ZBTB20: variants seen among roughly 807,000 people sequenced by gnomAD.
The protein encoded by ZBTB20 is zinc finger and BTB domain containing 20.
ZBTB20 carries 9 observed loss-of-function variants against 56.9 expected under a neutral mutation model. The observed-to-expected ratio is 0.16, with a 90% CI of 0.10 to 0.28. The LOEUF is 0.28. Ranked by LOEUF, ZBTB20 falls within the 10% of genes least tolerant of loss-of-function variation. ZBTB20 has a pLI of 1.00. For missense variants in ZBTB20, 655 were observed against 1,003.0 expected, an observed-to-expected ratio of 0.65 and a Z score of 4.69; for synonymous variants, 417 against 420.7, an observed-to-expected ratio of 0.99 and a Z score of 0.11.
intron 6 of ZBTB20, among the ~76,000 whole-genome samples, chr3:114,631,559 A>C (rs2058950719): frequency 6.6e-6 from 1 of 150,884 alleles, no homozygotes; most frequent in Non-Finnish European, 1.5e-5. Context: ...CACCCAGCTA[A>C]TTTTTGTATT....
At chr3:114,658,601 C>T (rs913195372) in intron 6 of ZBTB20, 1 of 152,102 alleles carries the variant, frequency 6.6e-6, no homozygotes, top group East Asian at 1.9e-4. Flanking sequence ...AACTTTCTTC[C>T]TCTATCATGT....
At chr3:114,400,571 G>A (rs6763403) in intron 7 of ZBTB20, among the ~76,000 whole-genome samples, 11 of 151,994 alleles carry the variant, frequency 7.2e-5, no homozygotes, top group African/African-American at 2.7e-4. Flanking sequence ...ATCACTTGAG[G>A]AAAGTTACTT....
intron 6 of ZBTB20, among the ~76,000 whole-genome samples, chr3:114,517,178 AT>A (rs1379458075): frequency 6.6e-6 from 1 of 152,208 alleles, no homozygotes; most frequent in Non-Finnish European, 1.5e-5. Context: ...AATGCCTATC[AT>A]TTATTTTATC....
At position 114,350,356 on chromosome 3, in the gene ZBTB20, T is replaced by C. The variant is rs1312531770; in HGVS notation, c.1722A>G (p.Glu574=). The C allele has an allele frequency of 3.7e-6, 6 of 1,614,070 alleles. No individual in the cohort carries two copies. The African/African-American group carries it at 4.0e-5, about 11-fold the overall frequency. ...AGHSTASGQG[E]KKPYECTLCN... is the part of the protein sequence containing the mutation. ...AGAGAGTGCACTCATAAGGCTTTTT[T>C]TCGCCTTGCCCACTGGCTGTGCTGT... Residue 574 remains glutamate, a synonymous_variant, in exon 11 of 12, where the codon GAA becomes GAG. Coordinates refer to ENST00000675478, the MANE Select transcript of ZBTB20 (RefSeq NM_001348800.3).
chr3:114,771,763 C>T (rs377246173), intron 5 of ZBTB20, among the ~76,000 whole-genome samples: 1 of 152,164 alleles, frequency 6.6e-6, no homozygotes, highest in East Asian at 1.9e-4. Context: ...TCTTTGTCCA[C>T]GTTTCCTTTT....
chr3:114,717,029 T>G (rs886321873), intron 5 of ZBTB20, among the ~76,000 whole-genome samples: 1 of 152,098 alleles, frequency 6.6e-6, no homozygotes, highest in African/African-American at 2.4e-5. Context: ...GTAGGAAGAA[T>G]ATTCTACTTA....
chr3:114,858,885 A>G (rs1406507296), intron 4 of ZBTB20, among the ~76,000 whole-genome samples: 3 of 152,108 alleles, frequency 2.0e-5, no homozygotes, highest in Admixed American at 2.0e-4. Context: ...ATGTCCTACT[A>G]CTTATCTAAA....
chr3:114,508,645 TAACAAA>T, intron 6 of ZBTB20, among the ~76,000 whole-genome samples: 1 of 152,086 alleles, frequency 6.6e-6, no homozygotes, highest in Non-Finnish European at 1.5e-5. Context: ...CGAATCTTGT[TAACAAA>T]AACAAAAACA....
intron 7 of ZBTB20, among the ~76,000 whole-genome samples, chr3:114,428,427 G>A (rs556456880): frequency 6.6e-6 from 1 of 152,218 alleles, no homozygotes; most frequent in Non-Finnish European, 1.5e-5. Context: ...GGAGGGACAG[G>A]CCTCATTTGC....
Position 114,380,919 on chromosome 3 carries a change from C to A in ZBTB20, c.-132G>T. The A allele has an allele frequency of 1.5e-6, 1 of 646,664 alleles. No individual in the cohort carries two copies. The highest frequency in any genetic ancestry group is 2.3e-6 in the Non-Finnish European group (1 of 431,728). The allele number at this position is 646,664 out of a possible 1,614,324, so 40.1% of individuals were successfully genotyped here. A position where few individuals can be genotyped will look rare whatever the true frequency, so the allele number is the denominator to read the frequency against. The stretch of plus-strand genomic sequence containing the variant: ...TGGCCTTGGGCACCTCACTTCACCT[C>A]TCTGGGCTTCAGTTTCCTCATCTGT... On this transcript the variant is annotated 5_prime_UTR_variant, in exon 9 of 12. The change creates a premature stop within an existing upstream ORF in the 5' untranslated region. Coordinates refer to ENST00000675478, the MANE Select transcript of ZBTB20 (RefSeq NM_001348800.3).
At chr3:114,523,630 A>T (rs2046889939) in intron 6 of ZBTB20, among the ~76,000 whole-genome samples, 1 of 152,214 alleles carries the variant, frequency 6.6e-6, no homozygotes, top group African/African-American at 2.4e-5. Flanking sequence ...AGCCAAGGGT[A>T]CACAGAGTTT....
intron 6 of ZBTB20, among the ~76,000 whole-genome samples, chr3:114,599,648 G>A (rs887886549): frequency 6.6e-6 from 1 of 151,904 alleles, no homozygotes. Flanking sequence ...CTTTCTATAG[G>A]TTGGGCAGTT....
chr3:114,776,181 A>G (rs1278983631), intron 5 of ZBTB20, among the ~76,000 whole-genome samples: 1 of 152,018 alleles, frequency 6.6e-6, no homozygotes, highest in South Asian at 2.1e-4. Flanking sequence ...ACAAAGGTAA[A>G]CATGGTGTGG....
At chr3:114,474,617 G>A (rs1202299686) in intron 7 of ZBTB20, among the ~76,000 whole-genome samples, 1 of 152,052 alleles carries the variant, frequency 6.6e-6, no homozygotes, top group Non-Finnish European at 1.5e-5. Context: ...TACCCAGTCG[G>A]CACCTTCACT....
chr3:114,835,079 A>G (rs2074051237), intron 4 of ZBTB20, among the ~76,000 whole-genome samples: 1 of 152,142 alleles, frequency 6.6e-6, no homozygotes, highest in Non-Finnish European at 1.5e-5. Context: ...GACACCAGCT[A>G]CTGTTTACCC....
chr3:114,459,246 G>T (rs1267037082), intron 7 of ZBTB20, among the ~76,000 whole-genome samples: 2 of 152,014 alleles, frequency 1.3e-5, no homozygotes, highest in East Asian at 1.9e-4. Context: ...CTTCCTCCAA[G>T]TTATTTTTTG....
At chr3:114,919,164 A>C (rs569376417) in intron 3 of ZBTB20, among the ~76,000 whole-genome samples, 10 of 152,200 alleles carry the variant, frequency 6.6e-5, no homozygotes, top group Non-Finnish European at 1.3e-4. Flanking sequence ...CAATATAAAA[A>C]GGTATAAAAT....
At chr3:114,549,720 T>C (rs1391641375) in intron 6 of ZBTB20, among the ~76,000 whole-genome samples, 1 of 151,748 alleles carries the variant, frequency 6.6e-6, no homozygotes, top group Non-Finnish European at 1.5e-5. Context: ...ATGGGCAGAG[T>C]TGATTTCACA....
At chr3:114,438,134 A>T (rs1418019031) in intron 7 of ZBTB20, among the ~76,000 whole-genome samples, 1 of 152,120 alleles carries the variant, frequency 6.6e-6, no homozygotes, top group Non-Finnish European at 1.5e-5. Context: ...AGAAGGGAAG[A>T]TGAGGGGAAG....
Sources: gnomAD v4.1 joint callset for allele counts (sites outside exome capture counted in the v4.1 genomes callset) on GRCh38, gnomAD v4.1.1 for gene constraint, MANE v1.5 for transcripts, NCBI Gene and HGNC (gene_info 2026-07-23, HGNC 2026-07-21) for gene names.